The following DPYD variants were observed in gnomAD, a reference collection of about 807,000 sequenced individuals.
DPYD encodes the protein dihydropyrimidine dehydrogenase [NADP(+)].
In DPYD, 109 loss-of-function variants were observed where a neutral mutation model predicts 116.2. The ratio of observed to expected loss-of-function variants is 0.94; its 90% CI spans 0.80 to 1.10. The LOEUF (loss-of-function observed/expected upper bound fraction) is 1.10. Among genes scored for constraint, DPYD ranks in the 50% least tolerant of loss-of-function variants. The pLI is 0.00. For missense variants in DPYD, 1,302 were observed against 1,254.5 expected (o/e 1.04, Z -0.57); for synonymous variants, 440 against 432.0 (o/e 1.02, Z -0.23).
chr1:97,838,413 C>T (rs962698353), intron 2 of DPYD, among the ~76,000 whole-genome samples: 5 of 152,078 alleles, frequency 3.3e-5, no homozygotes, highest in Admixed American at 3.3e-4. Context: ...ATTAGGTTCA[C>T]GGAAACTATT....
chr1:97,787,696 C>T (rs935842901), intron 3 of DPYD, among the ~76,000 whole-genome samples: 4 of 152,104 alleles, frequency 2.6e-5, no homozygotes, highest in East Asian at 3.8e-4. Context: ...GAAGTTCCGT[C>T]GAACAAGGCT....
chr1:97,788,574 T>G (rs983423270), intron 3 of DPYD, among the ~76,000 whole-genome samples: 6 of 152,176 alleles, frequency 3.9e-5, no homozygotes, highest in African/African-American at 1.4e-4. Flanking sequence ...CAAAAAATTA[T>G]AAGTTGTTAT....
intron 1 of DPYD, among the ~76,000 whole-genome samples, chr1:97,916,412 G>C (rs947110061): frequency 2.6e-5 from 4 of 152,080 alleles, no homozygotes; most frequent in African/African-American, 9.7e-5. Flanking sequence ...TCCCACCTAT[G>C]AGTGAGAACA....
At chr1:97,727,963 C>G (rs1269728246) in intron 4 of DPYD, among the ~76,000 whole-genome samples, 2 of 151,828 alleles carry the variant, frequency 1.3e-5, no homozygotes, top group African/African-American at 4.8e-5. Context: ...ATAGACACCC[C>G]AGCAGTCTCC....
intron 16 of DPYD, among the ~76,000 whole-genome samples, chr1:97,331,249 G>A (rs749954860): frequency 2.0e-5 from 3 of 152,098 alleles, no homozygotes; most frequent in Non-Finnish European, 4.4e-5. Context: ...CAAGACAGGA[G>A]GATCGCTTGA....
intron 21 of DPYD, among the ~76,000 whole-genome samples, chr1:97,084,072 T>C (rs1417775451): frequency 1.3e-5 from 2 of 152,154 alleles, no homozygotes; most frequent in Non-Finnish European, 2.9e-5. Flanking sequence ...GCTGCCACCT[T>C]AATCTAGGAT....
intron 20 of DPYD, among the ~76,000 whole-genome samples, chr1:97,102,121 A>G (rs1650737397): frequency 6.6e-6 from 1 of 151,934 alleles, no homozygotes. Context: ...AAGTTAATTG[A>G]GCATATTATG....
intron 10 of DPYD, among the ~76,000 whole-genome samples, chr1:97,587,185 C>T (rs2102233664): frequency 6.6e-6 from 1 of 152,248 alleles, no homozygotes; most frequent in Middle Eastern, 3.4e-3. Context: ...AATGTGTCAT[C>T]CCCCTGTCAT....
At chr1:97,772,072 C>G (rs376464357) in intron 3 of DPYD, among the ~76,000 whole-genome samples, 142 of 152,034 alleles carry the variant, frequency 9.3e-4, no homozygotes, top group African/African-American at 3.2e-3. Flanking sequence ...TTATCAAAGT[C>G]CTCTCACTTT....
At chr1:97,337,400 C>A (rs1558039550) in intron 16 of DPYD, among the ~76,000 whole-genome samples, 1 of 152,126 alleles carries the variant, frequency 6.6e-6, no homozygotes, top group Non-Finnish European at 1.5e-5. Context: ...CTATCAAATA[C>A]CTCGTGTTAT....
chr1:97,307,484 A>T (rs1454563865), intron 16 of DPYD, among the ~76,000 whole-genome samples: 1 of 151,808 alleles, frequency 6.6e-6, no homozygotes, highest in Admixed American at 6.6e-5. Flanking sequence ...ATGTGTCTTG[A>T]TCCATCATCC....
chr1:97,908,012 C>T (rs1268799269), intron 1 of DPYD, among the ~76,000 whole-genome samples: 2 of 152,022 alleles, frequency 1.3e-5, no homozygotes, highest in Non-Finnish European at 2.9e-5. Context: ...ACTCCAATCA[C>T]TGTCTGCATA....
chr1:97,538,867 C>T (rs771414873), intron 12 of DPYD, among the ~76,000 whole-genome samples: 8 of 152,056 alleles, frequency 5.3e-5, no homozygotes, highest in Non-Finnish European at 1.0e-4. Flanking sequence ...TTCTGCCTCA[C>T]AAGTTAGTTT....
At chr1:97,546,844 G>A in intron 12 of DPYD, 1 of 1,611,742 alleles carries the variant, frequency 6.2e-7, no homozygotes, top group Non-Finnish European at 8.5e-7. Flanking sequence ...GGCCAAGCCT[G>A]TGCCAGAAAA....
intron 8 of DPYD, among the ~76,000 whole-genome samples, chr1:97,602,544 A>T (rs904369938): frequency 6.6e-6 from 1 of 151,984 alleles, no homozygotes; most frequent in Non-Finnish European, 1.5e-5. Flanking sequence ...ATACAAACAC[A>T]ATGAGAATAT....
rs985113246 is a variant in DPYD at position 97,703,137 on chromosome 1, T to G, written c.484-3590A>C. On this transcript the variant is annotated intron_variant, in intron 5 of 22. Coordinates refer to ENST00000370192, the MANE Select transcript of DPYD (RefSeq NM_000110.4). Reference sequence around the variant, plus strand: ...CCCTTTGCCTGCTCTGTTCTGGAATTTTTTCTTTACAACTTTTTATTGCAC... The same window carrying G: ...CCCTTTGCCTGCTCTGTTCTGGAATGTTTTCTTTACAACTTTTTATTGCAC... Among the ~76,000 whole-genome samples the G allele has an allele frequency of 2.0e-5, 3 of 152,042 alleles. No homozygotes were observed. The South Asian group carries it at 6.2e-4, about 31-fold the overall frequency.
chr1:97,707,128 A>G (rs1181561415), intron 5 of DPYD, among the ~76,000 whole-genome samples: 1 of 151,980 alleles, frequency 6.6e-6, no homozygotes, highest in Non-Finnish European at 1.5e-5. Flanking sequence ...GGGTTTTTAA[A>G]AAGTCATTAG....
chr1:97,731,471 C>T (rs1302186006), intron 4 of DPYD, among the ~76,000 whole-genome samples: 1 of 152,026 alleles, frequency 6.6e-6, no homozygotes, highest in African/African-American at 2.4e-5. Context: ...ATACTTTTTA[C>T]TCAACATTCA....
chr1:97,114,030 C>T lies in DPYD; in HGVS notation c.2623-15398G>A, dbSNP rs190627679. 9.1e-4 allele frequency among the ~76,000 whole-genome samples: 138 copies of T among 152,140 alleles called. 1 individual carries two copies. Among genetic ancestry groups the T allele is most frequent in the Admixed American group, 8.9e-3 (136 of 15,254 alleles). The stretch of plus-strand genomic sequence containing the variant: ...GCATCTCATTACTCCTAGGGCGATG[C>T]TACATGGAAATTACATCATCATTCC... On this transcript the variant is annotated intron_variant, in intron 20 of 22. Transcript: ENST00000370192.
Sources: gnomAD v4.1 joint callset for allele counts (sites outside exome capture counted in the v4.1 genomes callset) on GRCh38, gnomAD v4.1.1 for gene constraint, MANE v1.5 for transcripts, NCBI Gene and HGNC (gene_info 2026-07-23, HGNC 2026-07-21) for gene names.